Variants in DENND1B observed in about 807,000 individuals in gnomAD.
DENND1B encodes DENN domain-containing protein 1B.
In DENND1B, 59 loss-of-function variants were observed where a neutral mutation model predicts 90.1. The ratio of observed to expected loss-of-function variants is 0.65; its 90% confidence interval spans 0.53 to 0.81. The LOEUF is 0.81. Among genes scored for constraint, DENND1B ranks in the 40% least tolerant of loss-of-function variants. The pLI, the probability that DENND1B is intolerant of heterozygous loss-of-function variation, is 0.00. For missense variants in DENND1B, 862 were observed against 912.6 expected, an observed-to-expected ratio of 0.94 and a Z score of 0.71; for synonymous variants, 337 against 324.6, an observed-to-expected ratio of 1.04 and a Z score of -0.41.
At chr1:197,541,362 G>A (rs1050032225) in intron 18 of DENND1B, among the ~76,000 whole-genome samples, 1 of 152,080 alleles carries the variant, frequency 6.6e-6, no homozygotes. Context: ...GTACATCCCC[G>A]CAGCAAATTA....
At chr1:197,656,132 G>A (rs958861521) in intron 6 of DENND1B, among the ~76,000 whole-genome samples, 2 of 151,878 alleles carry the variant, frequency 1.3e-5, no homozygotes, top group African/African-American at 4.9e-5. Flanking sequence ...TCATCTTGAA[G>A]AGAAAAGAGT....
chr1:197,541,043 C>T (rs1299589815), intron 18 of DENND1B, 28 bp from the exon 19 acceptor site: 1 of 1,606,628 alleles, frequency 6.2e-7, no homozygotes, highest in Non-Finnish European at 8.5e-7. Context: ...ATGTGCCTGG[C>T]TCAGGATGGT....
intron 20 of DENND1B, among the ~76,000 whole-genome samples, chr1:197,516,868 A>C (rs564227030): frequency 2.0e-5 from 3 of 151,970 alleles, no homozygotes; most frequent in East Asian, 3.9e-4. Flanking sequence ...CACAATAAAA[A>C]TAAAAAATAT....
intron 14 of DENND1B, among the ~76,000 whole-genome samples, chr1:197,589,361 A>G (rs1014094958): frequency 2.6e-5 from 4 of 152,102 alleles, no homozygotes; most frequent in Non-Finnish European, 5.9e-5. Context: ...CCATAAAACA[A>G]CTTTTATCCA....
intron 11 of DENND1B, among the ~76,000 whole-genome samples, chr1:197,616,612 C>A (rs756084844): frequency 1.5e-4 from 23 of 151,218 alleles, no homozygotes; most frequent in Non-Finnish European, 3.3e-4. Context: ...GTTGTCACTA[C>A]AATCACTTGT....
rs183349918 is a variant in DENND1B, at chr1:197,656,497, C to G, written c.366+1803G>C. The stretch of plus-strand genomic sequence containing the variant: ...AATTAAATTGTATCAAATAGCATAG[C>G]TAATATTTTAGTAAATTAGCTCTTG... On this transcript the variant is annotated intron_variant, in intron 6 of 22. Transcript: ENST00000620048. 1.9e-3 allele frequency among the ~76,000 whole-genome samples: 284 copies of G among 152,138 alleles called. 5 individuals are homozygous for G. The highest frequency in any genetic ancestry group is 4.3e-4 in the Non-Finnish European group (29 of 67,984).
At chr1:197,742,808 G>A (rs1048288660) in intron 2 of DENND1B, among the ~76,000 whole-genome samples, 1 of 152,160 alleles carries the variant, frequency 6.6e-6, no homozygotes, top group African/African-American at 2.4e-5. Context: ...CTGTATAAGG[G>A]TCATATTAAG....
At chr1:197,641,996 A>G (rs1315522524) in intron 10 of DENND1B, among the ~76,000 whole-genome samples, 2 of 152,142 alleles carry the variant, frequency 1.3e-5, no homozygotes, top group African/African-American at 4.8e-5. Context: ...ATCTAAAACT[A>G]TATTTAAATT....
rs1667800573 is a variant in DENND1B at position 197,507,881 on chromosome 1, G to C, written c.*2579C>G. The C allele has an allele frequency of 6.6e-6, 1 of 151,460 alleles. No individual in the cohort carries two copies. Among genetic ancestry groups the C allele is most frequent in the African/African-American group, 2.4e-5 (1 of 41,310 alleles). 9.4% of individuals were successfully genotyped at this position (151,460 alleles called of 1,614,324 possible). On this transcript the variant is annotated 3_prime_UTR_variant, in exon 23 of 23. Coordinates refer to ENST00000620048, the MANE Select transcript of DENND1B (RefSeq NM_001195215.2). ...ACAAATACTTGGTAGTATTATTCTG[G>C]ATGTTTTTAAAGAATAACATGCAGA...
chr1:197,714,616 G>GT (rs1660456786), intron 3 of DENND1B, among the ~76,000 whole-genome samples: 1 of 152,066 alleles, frequency 6.6e-6, no homozygotes, highest in Admixed American at 6.6e-5. Context: ...ATACTACTGT[G>GT]ACAAGGAGAG....
At chr1:197,595,081 T>C (rs1675564051) in intron 14 of DENND1B, 127 bp downstream of exon 14, 1 of 1,277,008 alleles carries the variant, frequency 7.8e-7, no homozygotes, top group African/African-American at 1.5e-5. Context: ...CACATTATTT[T>C]GGATCTTAAA....
chr1:197,655,056 T>G (rs546982739), intron 6 of DENND1B, among the ~76,000 whole-genome samples: 1 of 152,196 alleles, frequency 6.6e-6, no homozygotes, highest in Admixed American at 6.5e-5. Flanking sequence ...AAATAAATGA[T>G]TGTATACTGA....
intron 2 of DENND1B, among the ~76,000 whole-genome samples, chr1:197,722,435 G>T (rs1661268414): frequency 6.6e-6 from 1 of 151,924 alleles, no homozygotes; most frequent in Non-Finnish European, 1.5e-5. Flanking sequence ...GTTGATCTTT[G>T]ATTTTACTGT....
At chr1:197,557,465 T>C (rs1203082829) in intron 15 of DENND1B, among the ~76,000 whole-genome samples, 1 of 151,914 alleles carries the variant, frequency 6.6e-6, no homozygotes, top group African/African-American at 2.4e-5. Context: ...TGATTATGCA[T>C]TTTTGAGTAT....
intron 20 of DENND1B, among the ~76,000 whole-genome samples, chr1:197,538,174 C>A (rs939756476): frequency 2.6e-5 from 4 of 151,950 alleles, no homozygotes; most frequent in African/African-American, 9.7e-5. Context: ...ATCTCATATT[C>A]GTTTTCACAG....
At chr1:197,526,555 G>A (rs1465085041) in intron 20 of DENND1B, among the ~76,000 whole-genome samples, 1 of 152,070 alleles carries the variant, frequency 6.6e-6, no homozygotes, top group Non-Finnish European at 1.5e-5. Context: ...TGGAGAAATT[G>A]AGTACCTTTG....
chr1:197,637,124 CACAT>C (rs559472602), intron 10 of DENND1B, among the ~76,000 whole-genome samples: 76 of 152,002 alleles, frequency 5.0e-4, no homozygotes, highest in African/African-American at 1.8e-3. Flanking sequence ...ACAAAACCAA[CACAT>C]ACATTATTTT....
chr1:197,639,069 A>AT (rs35225644), intron 10 of DENND1B, among the ~76,000 whole-genome samples: 27,488 of 145,140 alleles, frequency 0.19, 2,877 homozygotes, highest in Non-Finnish European at 0.24. Context: ...TTAAAGGTTA[A>AT]TTTTTTTTTT....
chr1:197,694,571 T>C (rs1658242040), intron 3 of DENND1B, among the ~76,000 whole-genome samples: 1 of 151,428 alleles, frequency 6.6e-6, no homozygotes, highest in South Asian at 2.1e-4. Flanking sequence ...GAAAAAATAA[T>C]TTCTCCACTC....
Sources: gnomAD v4.1 joint callset for allele counts (sites outside exome capture counted in the v4.1 genomes callset) on GRCh38, gnomAD v4.1.1 for gene constraint, MANE v1.5 for transcripts, NCBI Gene and HGNC (gene_info 2026-07-23, HGNC 2026-07-21) for gene names.